Variants in CDS2 observed in about 807,000 individuals in gnomAD.
The protein encoded by CDS2 is phosphatidate cytidylyltransferase 2.
Under a neutral mutation model 59.0 loss-of-function variants are expected in CDS2, and 47 were observed. That is an observed-to-expected ratio of 0.80 (90% CI 0.63 to 1.02). CDS2 has a LOEUF of 1.02. Among genes scored for constraint, CDS2 ranks in the 50% least tolerant of loss-of-function variants. CDS2 has a pLI of 0.00. For missense variants in CDS2, 356 were observed against 558.9 expected (o/e 0.64, Z 3.66); for synonymous variants, 207 against 206.4 (o/e 1.00, Z -0.02).
chr20:5,173,926 A>G (rs553443443), intron 2 of CDS2, among the ~76,000 whole-genome samples: 1 of 152,332 alleles, frequency 6.6e-6, no homozygotes, highest in Non-Finnish European at 1.5e-5. Context: ...GTGCAGTTCA[A>G]AGAGGAAGAG....
chr20:5,152,799 A>G (rs1600484947), intron 1 of CDS2, among the ~76,000 whole-genome samples: 4 of 152,248 alleles, frequency 2.6e-5, no homozygotes. Flanking sequence ...TGCTTTATTG[A>G]TTGGTTTTCT....
intron 8 of CDS2, among the ~76,000 whole-genome samples, 166 bp from the exon 9 acceptor site, chr20:5,185,592 G>A (rs1458372174): frequency 6.6e-6 from 1 of 152,104 alleles, no homozygotes; most frequent in Non-Finnish European, 1.5e-5. Context: ...AAAGGGAGGA[G>A]GATATAAGAT....
At chr20:5,142,498 G>A (rs1600474783) in intron 1 of CDS2, among the ~76,000 whole-genome samples, 1 of 152,078 alleles carries the variant, frequency 6.6e-6, no homozygotes, top group African/African-American at 2.4e-5. Flanking sequence ...TTTGGATCCT[G>A]ATCCAATCAA....
intron 1 of CDS2, among the ~76,000 whole-genome samples, chr20:5,131,771 G>A: frequency 6.6e-6 from 1 of 152,226 alleles, no homozygotes; most frequent in African/African-American, 2.4e-5. Context: ...GTAACTTTGA[G>A]TAGATCATGG....
chr20:5,189,113 C>T lies in CDS2; in HGVS notation c.1028C>T (p.Ser343Phe), dbSNP rs779759723. 3 of 1,614,218 alleles carry T rather than the reference C, an allele frequency of 1.9e-6. No homozygotes were observed. Among genetic ancestry groups the T allele is most frequent in the Non-Finnish European group, 2.5e-6 (3 of 1,180,022 alleles). Residue 343 changes from serine (S) to phenylalanine (F), a missense_variant, in exon 11 of 13, where the codon TCC becomes TTC. This residue lies in a region of CDS2 where 88 missense variants were observed against 103.6 expected (regional missense o/e 0.85). Transcript: ENST00000460006. ...TTCCAGATTCACAGCATCGCTCTCTCCACCTTTGCCTCGCTCATTGGCCCC... is the reference window on the plus strand; with the variant it reads ...TTCCAGATTCACAGCATCGCTCTCTTCACCTTTGCCTCGCTCATTGGCCCC... ...YPFQIHSIAL[S>F]TFASLIGPFG... is the part of the protein sequence containing the mutation.
chr20:5,145,216 C>T (rs114883217), intron 1 of CDS2, among the ~76,000 whole-genome samples: 1,736 of 144,010 alleles, frequency 0.012, 53 homozygotes, highest in African/African-American at 0.041. Flanking sequence ...CATTTTAGGG[C>T]GAATGGGTAG....
intron 2 of CDS2, 150 bp from the exon 3 acceptor site, chr20:5,175,033 C>T: frequency 1.6e-6 from 1 of 636,508 alleles, no homozygotes; most frequent in Non-Finnish European, 2.8e-6. Flanking sequence ...CTCCTGCCAG[C>T]ATGTGGCTGG....
At chr20:5,140,040 G>A (rs530623921) in intron 1 of CDS2, among the ~76,000 whole-genome samples, 32 of 152,280 alleles carry the variant, frequency 2.1e-4, no homozygotes, top group Admixed American at 7.8e-4. Context: ...GACGTCAGGC[G>A]ATCTGCCCAC....
chr20:5,158,259 T>A (rs887443319), intron 1 of CDS2, among the ~76,000 whole-genome samples: 2 of 150,378 alleles, frequency 1.3e-5, no homozygotes, highest in African/African-American at 4.9e-5. Context: ...AACTTCTGCC[T>A]CTCGAGATCA....
intron 4 of CDS2, 120 bp from the exon 5 acceptor site, chr20:5,178,697 C>CT (rs1300907915): frequency 1.1e-6 from 1 of 949,608 alleles, no homozygotes; most frequent in African/African-American, 1.6e-5. Context: ...GTGAGCTGTC[C>CT]CGGGGGACTC....
At chr20:5,146,206 GTA>G (rs1285070091) in intron 1 of CDS2, among the ~76,000 whole-genome samples, 2 of 152,156 alleles carry the variant, frequency 1.3e-5, no homozygotes, top group African/African-American at 4.8e-5. Context: ...TTTGTTTTGT[GTA>G]TGTGATGAAG....
At position 5,190,341 on chromosome 20, in the gene CDS2, CTT is replaced by C. The variant is rs11477708; in HGVS notation, c.*122_*123del. On this transcript the variant is annotated 3_prime_UTR_variant, in exon 13 of 13. Transcript: ENST00000460006. Reference sequence around the variant, plus strand: ...CAATGACGAGGCTTCAACTCACTGTCTTTTTTTTTTTTTTTTGGAGGGTATTT... The same window carrying C: ...CAATGACGAGGCTTCAACTCACTGTCTTTTTTTTTTTTTTGGAGGGTATTT... 18,903 of 666,940 alleles carry C rather than the reference CTT, an allele frequency of 0.028. No individual in the cohort carries two copies. The highest frequency in any genetic ancestry group is 0.049 in the South Asian group (1,488 of 30,384). The allele number at this position is 666,940 out of a possible 1,614,324, so 41.3% of individuals were successfully genotyped here. A position where few individuals can be genotyped will look rare whatever the true frequency, so the allele number is the denominator to read the frequency against.
At chr20:5,135,215 A>C (rs2090639393) in intron 1 of CDS2, among the ~76,000 whole-genome samples, 1 of 152,224 alleles carries the variant, frequency 6.6e-6, no homozygotes, top group Non-Finnish European at 1.5e-5. Context: ...AGCGTGAGCC[A>C]CCGTGCCCGG....
chr20:5,183,905 C>G, intron 7 of CDS2, among the ~76,000 whole-genome samples: 1 of 152,132 alleles, frequency 6.6e-6, no homozygotes, highest in East Asian at 1.9e-4. Context: ...ACGCCTGTAA[C>G]CCAACACTTT....
intron 2 of CDS2, 147 bp from the exon 3 acceptor site, chr20:5,175,036 G>A (rs894474947): frequency 3.1e-6 from 2 of 641,354 alleles, no homozygotes; most frequent in Non-Finnish European, 5.6e-6. Flanking sequence ...CTGCCAGCAT[G>A]TGGCTGGTGC....
intron 1 of CDS2, among the ~76,000 whole-genome samples, chr20:5,145,125 G>GTAGTA (rs1568530429): frequency 7.2e-5 from 11 of 151,808 alleles, no homozygotes; most frequent in African/African-American, 2.4e-4. Context: ...ACACAGTAGT[G>GTAGTA]TCTTGGCTCA....
At chr20:5,169,988 G>A (rs6053173) in intron 1 of CDS2, among the ~76,000 whole-genome samples, 46,509 of 152,072 alleles carry the variant, frequency 0.31, 7,624 homozygotes, top group South Asian at 0.38. Flanking sequence ...TGTCCTGTGT[G>A]CTGTGGTCAG....
chr20:5,165,512 G>A lies in CDS2; in HGVS notation c.58-8011G>A, dbSNP rs116443041. ...GCTCCCCCACAGAGATGATGGTCTC[G>A]AGGCGGAGACTATGCGGTGTGGGAA... On this transcript the variant is annotated intron_variant, in intron 1 of 12. Coordinates refer to ENST00000460006, the MANE Select transcript of CDS2 (RefSeq NM_003818.4). 6.0e-3 allele frequency among the ~76,000 whole-genome samples: 916 copies of A among 152,104 alleles called. 10 individuals are homozygous for A. Among genetic ancestry groups the A allele is most frequent in the African/African-American group, 0.021 (875 of 41,462 alleles).
rs1416388880 is a variant in CDS2 at position 5,193,328 on chromosome 20, G to A, written c.*3094G>A. On this transcript the variant is annotated 3_prime_UTR_variant, in exon 13 of 13. Transcript: ENST00000460006. ...ATGTAATTACTCTTAGTATTGTACA[G>A]CCCTATAATGTATGAGAACTAGTTT... 1 of 152,208 alleles carries A rather than the reference G, an allele frequency of 6.6e-6. No individual in the cohort carries two copies. Among genetic ancestry groups the A allele is most frequent in the Non-Finnish European group, 1.5e-5 (1 of 68,044 alleles). The allele number at this position is 152,208 out of a possible 1,614,324, so 9.4% of individuals were successfully genotyped here.
Sources: allele counts gnomAD v4.1 joint callset (sites outside exome capture counted in the v4.1 genomes callset), GRCh38; gene constraint gnomAD v4.1.1; regional missense constraint gnomAD v4.1.1; transcripts MANE v1.5; gene names NCBI Gene and HGNC (gene_info 2026-07-23, HGNC 2026-07-21).